IKZF2: variants seen among roughly 807,000 people sequenced by gnomAD.
IKZF2 encodes the protein zinc finger protein Helios.
Under a neutral mutation model 49.2 loss-of-function variants are expected in IKZF2, and 15 were observed. The ratio of observed to expected loss-of-function variants is 0.30; its 90% CI spans 0.20 to 0.47. The LOEUF (loss-of-function observed/expected upper bound fraction) is 0.47, where lower values mean the gene tolerates loss of function less well. Ranked by LOEUF, IKZF2 falls within the 20% of genes least tolerant of loss-of-function variation. The pLI, the probability that IKZF2 is intolerant of heterozygous loss-of-function variation, is 1.00. For missense variants in IKZF2, 567 were observed against 664.6 expected, an observed-to-expected ratio of 0.85 and a Z score of 1.61; for synonymous variants, 227 against 221.4, an observed-to-expected ratio of 1.03 and a Z score of -0.23.
At position 213,100,175 on chromosome 2, in the gene IKZF2, T is replaced by C. The variant is rs577604965; in HGVS notation, c.140-43076A>G. On this transcript the variant is annotated intron_variant, in intron 4 of 8. Coordinates refer to ENST00000434687, the MANE Select transcript of IKZF2 (RefSeq NM_001387220.1). ...TTTTTTAAATTTCTAATTCATCACATTTGTATAATCAAGTCAAATTTGACA... is the reference window on the plus strand; with the variant it reads ...TTTTTTAAATTTCTAATTCATCACACTTGTATAATCAAGTCAAATTTGACA... Among the ~76,000 whole-genome samples the C allele has an allele frequency of 2.6e-5, 4 of 152,196 alleles. No homozygotes were observed. The East Asian group carries it at 7.7e-4, about 29-fold the overall frequency.
intron 6 of IKZF2, among the ~76,000 whole-genome samples, chr2:213,042,924 T>C (rs1396755812): frequency 6.6e-6 from 1 of 152,134 alleles, no homozygotes; most frequent in Non-Finnish European, 1.5e-5. Context: ...ATTTTCCATG[T>C]TACTAGACTT....
At chr2:213,124,252 GCACACACACACA>G (rs66958263) in intron 4 of IKZF2, among the ~76,000 whole-genome samples, 36,995 of 136,176 alleles carry the variant, frequency 0.27, 6,026 homozygotes, top group Non-Finnish European at 0.35. Flanking sequence ...GCGCGCGCGC[GCACACACACACA>G]CACACACACA....
intron 7 of IKZF2, chr2:213,016,876 G>C (rs1167263128): frequency 6.6e-6 from 1 of 150,690 alleles, no homozygotes; most frequent in African/African-American, 2.4e-5. Flanking sequence ...CTGAGCAGGA[G>C]AGGGCAGAGT....
chr2:213,035,292 TTA>T (rs1162023482), intron 6 of IKZF2, among the ~76,000 whole-genome samples: 1 of 151,952 alleles, frequency 6.6e-6, no homozygotes, highest in Admixed American at 6.6e-5. Context: ...TTCTAACATA[TTA>T]TATGATTTTT....
intron 4 of IKZF2, among the ~76,000 whole-genome samples, chr2:213,079,039 GCTGT>G (rs1703595820): frequency 6.6e-6 from 1 of 152,126 alleles, no homozygotes; most frequent in Non-Finnish European, 1.5e-5. Flanking sequence ...TATTGTTGTT[GCTGT>G]CTAATTTTCT....
chr2:213,029,285 G>A (rs1698152208), intron 6 of IKZF2, among the ~76,000 whole-genome samples: 2 of 151,958 alleles, frequency 1.3e-5, no homozygotes, highest in South Asian at 4.1e-4. Context: ...GAATTTACCA[G>A]TGAAGTCATC....
At chr2:213,076,199 T>C (rs1179489600) in intron 4 of IKZF2, among the ~76,000 whole-genome samples, 1 of 152,092 alleles carries the variant, frequency 6.6e-6, no homozygotes. Context: ...ATGCTTTTCC[T>C]AGGGATAAAG....
chr2:213,032,797 G>A (rs1271444704), intron 6 of IKZF2, among the ~76,000 whole-genome samples: 2 of 152,186 alleles, frequency 1.3e-5, no homozygotes, highest in East Asian at 3.8e-4. Context: ...GGAGGGTGTT[G>A]CCTTGATGTC....
intron 4 of IKZF2, among the ~76,000 whole-genome samples, chr2:213,105,663 T>C (rs989065749): frequency 6.6e-6 from 1 of 152,182 alleles, no homozygotes; most frequent in Non-Finnish European, 1.5e-5. Context: ...TTTATAAAAT[T>C]GTGACCAAAA....
intron 4 of IKZF2, among the ~76,000 whole-genome samples, chr2:213,121,898 G>T (rs2060070212): frequency 6.6e-6 from 1 of 152,174 alleles, no homozygotes; most frequent in Admixed American, 6.5e-5. Flanking sequence ...GCTGAAACAG[G>T]AACATGTGTC....
chr2:213,008,205 G>T, intron 8 of IKZF2, 121 bp from the exon 9 acceptor site: 1 of 1,188,434 alleles, frequency 8.4e-7, no homozygotes, highest in Non-Finnish European at 1.2e-6. Flanking sequence ...TCATAATTTG[G>T]TATATATTAC....
chr2:213,124,252 G>GCACA (rs66958263), intron 4 of IKZF2, among the ~76,000 whole-genome samples: 9 of 136,236 alleles, frequency 6.6e-5, no homozygotes, highest in African/African-American at 2.2e-4. Flanking sequence ...GCGCGCGCGC[G>GCACA]CACACACACA....
intron 4 of IKZF2, among the ~76,000 whole-genome samples, chr2:213,060,403 T>G (rs1221600056): frequency 6.6e-6 from 1 of 151,412 alleles, no homozygotes; most frequent in Non-Finnish European, 1.5e-5. Flanking sequence ...TATTAACCAC[T>G]GTACAATAAT....
chr2:213,138,414 C>T (rs1415129950), intron 4 of IKZF2, among the ~76,000 whole-genome samples: 2 of 151,898 alleles, frequency 1.3e-5, no homozygotes, highest in Admixed American at 1.3e-4. Context: ...AACACATCCC[C>T]AAACAGAGAA....
At position 213,029,731 on chromosome 2, in the gene IKZF2, A is replaced by AT. The variant is rs988948172; in HGVS notation, c.575-7602dup. On this transcript the variant is annotated intron_variant, in intron 6 of 8. Coordinates refer to ENST00000434687, the MANE Select transcript of IKZF2 (RefSeq NM_001387220.1). ...TATATATTATAATTTTCCCAAATGG[A>AT]TAAAAAGTTGTTAGGGCACAAATCA... 5.9e-5 allele frequency among the ~76,000 whole-genome samples: 9 copies of AT among 152,064 alleles called. No individual in the cohort carries two copies. In the East Asian group the frequency reaches 9.6e-4, roughly 16 times the overall value.
chr2:213,067,397 G>T (rs753764363), intron 4 of IKZF2, among the ~76,000 whole-genome samples: 10 of 151,984 alleles, frequency 6.6e-5, no homozygotes, highest in Non-Finnish European at 1.2e-4. Flanking sequence ...GAACTAGATG[G>T]CACTCAAGAT....
In IKZF2 at chr2:213,116,621, C is replaced by T. The variant is rs974878040; in HGVS notation, c.139+31087G>A. 6.6e-5 allele frequency among the ~76,000 whole-genome samples: 10 copies of T among 152,146 alleles called. No homozygotes were observed. The East Asian group carries it at 1.9e-3, about 29-fold the overall frequency. On this transcript the variant is annotated intron_variant, in intron 4 of 8. Transcript: ENST00000434687. ...GGCAGGGTGGCCTGTGCCTGTAGTC[C>T]CAGCTACTTGGAAGGCTGAGGTGGG...
At chr2:213,065,475 G>A (rs550970490) in intron 4 of IKZF2, among the ~76,000 whole-genome samples, 48 of 152,090 alleles carry the variant, frequency 3.2e-4, no homozygotes, top group Non-Finnish European at 5.9e-4. Context: ...TTTAAATTAC[G>A]AAGACCTCAC....
chr2:213,070,016 C>T (rs1482575), intron 4 of IKZF2, among the ~76,000 whole-genome samples: 152,231 of 152,242 alleles, frequency 1, 76,110 homozygotes, highest in Non-Finnish European at 1. Flanking sequence ...ACACCTAACA[C>T]ACTCCATTAT....
Sources: allele counts gnomAD v4.1 joint callset (sites outside exome capture counted in the v4.1 genomes callset), GRCh38; gene constraint gnomAD v4.1.1; transcripts MANE v1.5; gene names NCBI Gene and HGNC (gene_info 2026-07-23, HGNC 2026-07-21).